UNC5D: variants seen among roughly 807,000 people sequenced by gnomAD.
UNC5D encodes unc-5 netrin receptor D, also known as netrin receptor UNC5D.
In UNC5D, 39 loss-of-function variants were observed where a neutral mutation model predicts 105.4. That is an observed-to-expected ratio of 0.37 (90% CI 0.29 to 0.48). The LOEUF (loss-of-function observed/expected upper bound fraction) is 0.48, where lower values mean the gene tolerates loss of function less well. UNC5D is among the 20% of genes least tolerant of loss of function. The probability of loss-of-function intolerance (pLI) is 0.98; values close to 1 mark genes in which losing one functional copy is unlikely to be tolerated. For synonymous variants in UNC5D, 452 were observed against 450.4 expected (o/e 1.00, Z -0.04); for missense variants, 991 against 1,202.4 (o/e 0.82, Z 2.60).
chr8:35,307,147 T>C (rs1400455741), intron 1 of UNC5D, among the ~76,000 whole-genome samples: 2 of 152,112 alleles, frequency 1.3e-5, no homozygotes, highest in Non-Finnish European at 2.9e-5. Flanking sequence ...AAAAATCTCA[T>C]GTTTTAAGAA....
At chr8:35,252,074 T>C (rs1803741952) in intron 1 of UNC5D, among the ~76,000 whole-genome samples, 1 of 143,760 alleles carries the variant, frequency 7.0e-6, no homozygotes, top group Non-Finnish European at 1.5e-5. Flanking sequence ...CAGGCTGGAG[T>C]GCAGTGGCGC....
chr8:35,722,150 G>C, intron 8 of UNC5D, 60 bp from the exon 9 acceptor site: 2 of 1,569,474 alleles, frequency 1.3e-6, no homozygotes, highest in Non-Finnish European at 1.7e-6. Context: ...TTGTATTCCC[G>C]AGTGGTTCTT....
At chr8:35,245,146 T>G (rs986252956) in intron 1 of UNC5D, among the ~76,000 whole-genome samples, 3 of 152,184 alleles carry the variant, frequency 2.0e-5, no homozygotes, top group African/African-American at 7.2e-5. Context: ...TGCTTTATTT[T>G]TACTTTCTGT....
At chr8:35,547,037 G>GT (rs1354402809) in intron 1 of UNC5D, among the ~76,000 whole-genome samples, 2 of 151,924 alleles carry the variant, frequency 1.3e-5, no homozygotes, top group Non-Finnish European at 2.9e-5. Context: ...ATGTGAGGCT[G>GT]TTTTTTCTCC....
chr8:35,550,696 T>C (rs759936355), intron 2 of UNC5D, among the ~76,000 whole-genome samples: 34 of 152,074 alleles, frequency 2.2e-4, no homozygotes, highest in East Asian at 7.7e-4. Context: ...AGGATAAATA[T>C]CTGAAAAGAA....
At chr8:35,247,707 A>G (rs11778557) in intron 1 of UNC5D, among the ~76,000 whole-genome samples, 4,841 of 6,604 alleles carry the variant, frequency 0.73, 1,539 homozygotes, top group South Asian at 0.78. Flanking sequence ...TATATAATAT[A>G]TAAATATATA....
chr8:35,317,749 G>A (rs1563308348), intron 1 of UNC5D, among the ~76,000 whole-genome samples: 1 of 151,478 alleles, frequency 6.6e-6, no homozygotes, highest in South Asian at 2.1e-4. Flanking sequence ...TAAATTATAT[G>A]TGTATATAAT....
intron 8 of UNC5D, among the ~76,000 whole-genome samples, chr8:35,708,520 G>T (rs1479466944): frequency 6.6e-6 from 1 of 152,168 alleles, no homozygotes; most frequent in Non-Finnish European, 1.5e-5. Flanking sequence ...GTCAGGAGGT[G>T]CGGTAAAATA....
At chr8:35,586,094 G>A (rs540532863) in intron 3 of UNC5D, among the ~76,000 whole-genome samples, 2 of 152,068 alleles carry the variant, frequency 1.3e-5, no homozygotes, top group African/African-American at 4.8e-5. Flanking sequence ...CCAACATGGA[G>A]AAACCCCCGT....
chr8:35,514,235 C>G (rs1812968973), intron 1 of UNC5D, among the ~76,000 whole-genome samples: 1 of 152,162 alleles, frequency 6.6e-6, no homozygotes, highest in African/African-American at 2.4e-5. Flanking sequence ...CACTGCCAAC[C>G]CAGATTGCTA....
At chr8:35,249,356 G>A (rs1286548465) in intron 1 of UNC5D, among the ~76,000 whole-genome samples, 2 of 149,222 alleles carry the variant, frequency 1.3e-5, no homozygotes, top group Non-Finnish European at 3.0e-5. Context: ...TCAAGAGTTC[G>A]AGATCAGAGT....
intron 4 of UNC5D, among the ~76,000 whole-genome samples, chr8:35,600,641 G>C (rs1464520081): frequency 1.3e-5 from 2 of 152,018 alleles, no homozygotes; most frequent in Non-Finnish European, 2.9e-5. Flanking sequence ...CTTTTTGATG[G>C]GGTTGTTTGT....
intron 1 of UNC5D, among the ~76,000 whole-genome samples, chr8:35,300,222 C>T (rs1807831292): frequency 6.6e-6 from 1 of 151,736 alleles, no homozygotes; most frequent in African/African-American, 2.4e-5. Flanking sequence ...CCAAGGTGGG[C>T]ACATCACCTG....
intron 1 of UNC5D, among the ~76,000 whole-genome samples, chr8:35,474,243 T>C (rs1030452567): frequency 1.3e-5 from 2 of 152,250 alleles, no homozygotes; most frequent in African/African-American, 2.4e-5. Flanking sequence ...ACAGTTTTCC[T>C]AGTTGTTTAC....
At chr8:35,439,524 C>T (rs1807256421) in intron 1 of UNC5D, among the ~76,000 whole-genome samples, 1 of 152,004 alleles carries the variant, frequency 6.6e-6, no homozygotes, top group Non-Finnish European at 1.5e-5. Flanking sequence ...TGATTAAGAA[C>T]ACCGTGTTTG....
At chr8:35,652,058 C>T (rs1236299450) in intron 4 of UNC5D, among the ~76,000 whole-genome samples, 2 of 152,182 alleles carry the variant, frequency 1.3e-5, no homozygotes, top group African/African-American at 2.4e-5. Context: ...CATACCCTAA[C>T]TTGCCTTGCC....
intron 1 of UNC5D, among the ~76,000 whole-genome samples, chr8:35,410,119 G>A (rs767581367): frequency 6.6e-6 from 1 of 151,878 alleles, no homozygotes; most frequent in Non-Finnish European, 1.5e-5. Flanking sequence ...TTTAATTGGA[G>A]ATTATTCTCT....
chr8:35,371,616 G>T (rs1306171954), intron 1 of UNC5D, among the ~76,000 whole-genome samples: 1 of 152,084 alleles, frequency 6.6e-6, no homozygotes, highest in East Asian at 1.9e-4. Context: ...CTTGTACCAA[G>T]TTATGGTTTG....
At chr8:35,260,562 C>A (rs1804418562) in intron 1 of UNC5D, among the ~76,000 whole-genome samples, 1 of 152,106 alleles carries the variant, frequency 6.6e-6, no homozygotes, top group African/African-American at 2.4e-5. Flanking sequence ...CCTCTGGGTT[C>A]AAGCGATTCT....
Sources: allele counts gnomAD v4.1 joint callset (sites outside exome capture counted in the v4.1 genomes callset), GRCh38; gene constraint gnomAD v4.1.1; transcripts MANE v1.5; gene names NCBI Gene and HGNC (gene_info 2026-07-23, HGNC 2026-07-21).